Variants in SPAG16 observed in about 807,000 individuals in gnomAD.
SPAG16 encodes the protein sperm-associated antigen 16 protein.
SPAG16 carries 86 observed loss-of-function variants against 80.4 expected under a neutral mutation model. The observed-to-expected ratio is 1.07, with a 90% CI of 0.90 to 1.28. The LOEUF (loss-of-function observed/expected upper bound fraction) is 1.28, where lower values mean the gene tolerates loss of function less well. SPAG16 is among the 50% of genes most tolerant of loss of function. SPAG16 has a pLI of 0.00. For missense variants in SPAG16, 870 were observed against 765.3 expected, an observed-to-expected ratio of 1.14 and a Z score of -1.61; for synonymous variants, 294 against 265.9, an observed-to-expected ratio of 1.11 and a Z score of -1.03.
At chr2:213,690,663 A>G (rs113494376) in intron 10 of SPAG16, among the ~76,000 whole-genome samples, 7,699 of 152,252 alleles carry the variant, frequency 0.051, 614 homozygotes, top group African/African-American at 0.17. Flanking sequence ...TGCAGGTAGA[A>G]CAAAGCAGGC....
At chr2:214,350,125 T>C (rs543954748) in intron 15 of SPAG16, among the ~76,000 whole-genome samples, 1 of 152,344 alleles carries the variant, frequency 6.6e-6, no homozygotes. Context: ...TAACTTTGAA[T>C]ATCAGCAGGT....
At chr2:213,666,956 A>T (rs935611021) in intron 10 of SPAG16, among the ~76,000 whole-genome samples, 1 of 152,216 alleles carries the variant, frequency 6.6e-6, no homozygotes, top group Non-Finnish European at 1.5e-5. Flanking sequence ...ACCATAAACC[A>T]GTTGTAGAAT....
At chr2:214,137,034 C>T (rs2055090399) in intron 14 of SPAG16, among the ~76,000 whole-genome samples, 1 of 152,098 alleles carries the variant, frequency 6.6e-6, no homozygotes, top group Admixed American at 6.6e-5. Context: ...AAAATTAGAT[C>T]ACTTGACAGG....
intron 14 of SPAG16, among the ~76,000 whole-genome samples, chr2:214,143,358 CT>C (rs1472036019): frequency 9.6e-5 from 14 of 146,350 alleles, no homozygotes; most frequent in Non-Finnish European, 1.8e-4. Flanking sequence ...TTTTAATTGT[CT>C]CATTTCATAG....
chr2:213,525,439 C>G (rs760660384), intron 10 of SPAG16, among the ~76,000 whole-genome samples: 52 of 151,932 alleles, frequency 3.4e-4, no homozygotes, highest in Non-Finnish European at 3.4e-4. Context: ...CAGGTGCCCA[C>G]CACCATGCCC....
At chr2:213,725,495 A>T (rs1201978603) in intron 10 of SPAG16, among the ~76,000 whole-genome samples, 1 of 152,170 alleles carries the variant, frequency 6.6e-6, no homozygotes, top group Non-Finnish European at 1.5e-5. Context: ...GTCACTACAA[A>T]ACTGGTGGCA....
At chr2:214,099,811 G>A (rs1305912784) in intron 13 of SPAG16, among the ~76,000 whole-genome samples, 1 of 151,870 alleles carries the variant, frequency 6.6e-6, no homozygotes, top group Non-Finnish European at 1.5e-5. Context: ...TACTAAGAAG[G>A]GCATGAGAGA....
At chr2:213,284,750 A>G (rs1422638178) in intron 1 of SPAG16, 131 bp downstream of exon 1, 1 of 1,332,094 alleles carries the variant, frequency 7.5e-7, no homozygotes, top group South Asian at 1.5e-5. Context: ...TTGGACTTCA[A>G]GGTGCTGTTT....
intron 12 of SPAG16, among the ~76,000 whole-genome samples, chr2:213,997,487 A>G (rs1366780592): frequency 2.0e-5 from 3 of 152,230 alleles, no homozygotes; most frequent in South Asian, 4.1e-4. Flanking sequence ...CAGCAAAAAC[A>G]TGATAAATAA....
intron 9 of SPAG16, among the ~76,000 whole-genome samples, chr2:213,413,599 T>A (rs932253781): frequency 3.3e-5 from 5 of 152,160 alleles, no homozygotes; most frequent in African/African-American, 1.2e-4. Flanking sequence ...TAAATATGTT[T>A]TTAAAAGATA....
intron 12 of SPAG16, among the ~76,000 whole-genome samples, chr2:213,996,305 CAA>C (rs1244381885): frequency 6.6e-6 from 1 of 152,040 alleles, no homozygotes; most frequent in Non-Finnish European, 1.5e-5. Context: ...TAAGTTCTGA[CAA>C]AGAGTATAGA....
intron 11 of SPAG16, among the ~76,000 whole-genome samples, chr2:213,877,617 A>G (rs1270100283): frequency 6.6e-6 from 1 of 152,186 alleles, no homozygotes; most frequent in Non-Finnish European, 1.5e-5. Context: ...TCCCATCCAC[A>G]TAAGGCATTT....
intron 15 of SPAG16, among the ~76,000 whole-genome samples, chr2:214,357,501 T>C (rs1258007393): frequency 1.3e-5 from 2 of 151,910 alleles, no homozygotes; most frequent in African/African-American, 2.4e-5. Flanking sequence ...CCCCCAGTCT[T>C]CTGAGTTTCT....
At chr2:213,934,942 C>T (rs1027757752) in intron 12 of SPAG16, among the ~76,000 whole-genome samples, 2 of 152,142 alleles carry the variant, frequency 1.3e-5, no homozygotes, top group African/African-American at 4.8e-5. Flanking sequence ...GTGGCTCATG[C>T]CTGTAATCCC....
At chr2:214,322,036 A>C (rs1264643297) in intron 15 of SPAG16, among the ~76,000 whole-genome samples, 1 of 152,230 alleles carries the variant, frequency 6.6e-6, no homozygotes, top group African/African-American at 2.4e-5. Context: ...TCTGAAACAA[A>C]TGAAAACATA....
chr2:213,699,037 T>A (rs2065284298), intron 10 of SPAG16, among the ~76,000 whole-genome samples: 2 of 152,224 alleles, frequency 1.3e-5, no homozygotes, highest in African/African-American at 2.4e-5. Context: ...TGCTGGTAAT[T>A]CTACCATGGA....
chr2:214,003,320 A>T (rs981167581), intron 12 of SPAG16, among the ~76,000 whole-genome samples: 9 of 152,202 alleles, frequency 5.9e-5, no homozygotes, highest in Non-Finnish European at 1.2e-4. Context: ...ATTAAAGATA[A>T]TTTCTATACA....
chr2:213,682,668 G>A (rs1429572845), intron 10 of SPAG16, among the ~76,000 whole-genome samples: 1 of 152,196 alleles, frequency 6.6e-6, no homozygotes, highest in South Asian at 2.1e-4. Flanking sequence ...GTTATCTCAG[G>A]GCTGGCATGT....
chr2:214,047,862 T>A (rs1313542711), intron 13 of SPAG16, among the ~76,000 whole-genome samples: 1 of 152,086 alleles, frequency 6.6e-6, no homozygotes, highest in Non-Finnish European at 1.5e-5. Flanking sequence ...ATACTCTGAT[T>A]TAAAAAATGG....
Sources: allele counts gnomAD v4.1 joint callset (sites outside exome capture counted in the v4.1 genomes callset), GRCh38; gene constraint gnomAD v4.1.1; transcripts MANE v1.5; gene names NCBI Gene and HGNC (gene_info 2026-07-23, HGNC 2026-07-21).